The following EXTL3 variants were observed in gnomAD, a reference collection of about 807,000 sequenced individuals.
EXTL3 encodes exostosin like glycosyltransferase 3.
In EXTL3, 27 loss-of-function variants were observed where a neutral mutation model predicts 69.3. That is an observed-to-expected ratio of 0.39 (90% CI 0.29 to 0.54). The LOEUF (loss-of-function observed/expected upper bound fraction) is 0.54, where lower values mean the gene tolerates loss of function less well. Ranked by LOEUF, EXTL3 falls within the 20% of genes least tolerant of loss-of-function variation. EXTL3 has a pLI of 0.69. For missense variants in EXTL3, 1,003 were observed against 1,231.8 expected (o/e 0.81, Z 2.78); for synonymous variants, 511 against 499.4 (o/e 1.02, Z -0.31).
At chr8:28,704,184 C>T (rs1800870437) in intron 1 of EXTL3, among the ~76,000 whole-genome samples, 1 of 152,114 alleles carries the variant, frequency 6.6e-6, no homozygotes, top group Non-Finnish European at 1.5e-5. Flanking sequence ...AACATACTTC[C>T]CTCTCCCACA....
At chr8:28,743,058 C>A (rs1293114331) in intron 5 of EXTL3, 28 bp from the exon 6 acceptor site, 1 of 1,613,638 alleles carries the variant, frequency 6.2e-7, no homozygotes, top group Non-Finnish European at 8.5e-7. Context: ...TGTAACAGAG[C>A]ATGTGGTTCT....
In EXTL3 at chr8:28,613,145, T is replaced by C. The variant is rs74773582; in HGVS notation, n.314+5387T>C. On this transcript the variant is annotated intron_variant and non_coding_transcript_variant, in intron 2 of 4. Coordinates refer to the EXTL3 transcript ENST00000522725. ...TTGTAACGCCTTTATCTAGTTTCAGTATTAGGATTATGCTGTTTTTTTGGT... is the reference window on the plus strand; with the variant it reads ...TTGTAACGCCTTTATCTAGTTTCAGCATTAGGATTATGCTGTTTTTTTGGT... 5.9e-4 allele frequency among the ~76,000 whole-genome samples: 90 copies of C among 152,264 alleles called. 1 individual carries two copies. The highest frequency in any genetic ancestry group is 2.1e-3 in the African/African-American group (86 of 41,580).
intron 6 of EXTL3, among the ~76,000 whole-genome samples, chr8:28,745,575 T>C (rs892880981): frequency 1.1e-4 from 16 of 152,222 alleles, no homozygotes; most frequent in Non-Finnish European, 1.9e-4. Flanking sequence ...CTTCCTTATA[T>C]ATCCTTTCTT....
upstream of EXTL3, among the ~76,000 whole-genome samples, chr8:28,698,688 A>AAAAAC (rs1368052371): frequency 4.6e-5 from 7 of 152,306 alleles, no homozygotes; most frequent in East Asian, 5.8e-4. Flanking sequence ...GTCTCTACAA[A>AAAAAC]AAAACAAAAC....
At chr8:28,702,309 C>G (rs1358383223) in intron 1 of EXTL3, among the ~76,000 whole-genome samples, 1 of 152,244 alleles carries the variant, frequency 6.6e-6, no homozygotes, top group Non-Finnish European at 1.5e-5. Context: ...GCCCAGCTCC[C>G]CTAGAGCCGG....
At chr8:28,628,190 C>T (rs916507916) in intron 1 of EXTL3, among the ~76,000 whole-genome samples, 2 of 152,124 alleles carry the variant, frequency 1.3e-5, no homozygotes, top group East Asian at 1.9e-4. Context: ...GGTGAAACCC[C>T]GTCTCTGCTA....
chr8:28,739,700 A>G (rs1294533552), intron 5 of EXTL3, among the ~76,000 whole-genome samples: 3 of 152,176 alleles, frequency 2.0e-5, no homozygotes, highest in African/African-American at 7.2e-5. Context: ...TAAAAACTTA[A>G]TGTGTGAAGT....
At chr8:28,730,564 G>A (rs776843262) in intron 3 of EXTL3, among the ~76,000 whole-genome samples, 15 of 152,188 alleles carry the variant, frequency 9.9e-5, no homozygotes, top group Non-Finnish European at 2.1e-4. Flanking sequence ...TCTGTTTTAT[G>A]AAGGAAATAC....
chr8:28,644,873 A>G (rs954998271), intron 1 of EXTL3, among the ~76,000 whole-genome samples: 1 of 152,292 alleles, frequency 6.6e-6, no homozygotes, highest in East Asian at 1.9e-4. Context: ...AAGGACTAGT[A>G]CTGGACCTAT....
At chr8:28,650,257 A>G (rs572058410) in intron 1 of EXTL3, among the ~76,000 whole-genome samples, 4 of 151,370 alleles carry the variant, frequency 2.6e-5, no homozygotes, top group Non-Finnish European at 4.4e-5. Flanking sequence ...CCTCTCCCCA[A>G]TTTCACAATT....
In EXTL3 at chr8:28,752,769, C is replaced by T. The variant is rs34338934; in HGVS notation, c.*1903C>T. On this transcript the variant is annotated 3_prime_UTR_variant, in exon 7 of 7. Transcript: ENST00000220562. ...CTCTACCTGACTCCTGACTTGTATT[C>T]CTTTTAGCAGTAGCCTTCTTCCCTC... 37 of 153,200 alleles carry T rather than the reference C, an allele frequency of 2.4e-4. 1 individual carries two copies. The East Asian group carries it at 6.7e-3, about 28-fold the overall frequency. The allele number at this position is 153,200 out of a possible 1,614,324, so 9.5% of individuals were successfully genotyped here.
chr8:28,619,958 C>T (rs1412197837), upstream of EXTL3, among the ~76,000 whole-genome samples: 1 of 145,812 alleles, frequency 6.9e-6, no homozygotes, highest in Non-Finnish European at 1.5e-5. Context: ...GAAAGCTCCA[C>T]CTCCCGGGTT....
chr8:28,717,239 G>T lies in EXTL3; in HGVS notation c.1180G>T (p.Val394Phe), dbSNP rs1385495457. The T allele has an allele frequency of 2.5e-6, 4 of 1,614,230 alleles. No homozygotes were observed. Among genetic ancestry groups the T allele is most frequent in the East Asian group, 2.2e-5 (1 of 44,880 alleles). The change falls in exon 3 of 7, where the codon GTC becomes TTC. Residue 394 changes from valine to phenylalanine, a missense_variant. Transcript: ENST00000220562. This position sits in a 1 kb window ranked among gnomAD's most constrained non-coding sequence, Gnocchi z 8.3. ...KAVQDSKLDQVLVEFTCKNQP... is the reference protein window; with the variant it reads ...KAVQDSKLDQFLVEFTCKNQP... ...GGTGCAGGACAGCAAGCTGGATCAGGTCCTGGTGGAATTCACCTGCAAAAA... is the reference window on the plus strand; with the variant it reads ...GGTGCAGGACAGCAAGCTGGATCAGTTCCTGGTGGAATTCACCTGCAAAAA...
rs149776013 is a variant in EXTL3, at chr8:28,678,357, T to C, written c.-52-35100T>C. Among the ~76,000 whole-genome samples the C allele has an allele frequency of 2.9e-4, 44 of 152,344 alleles. No homozygotes were observed. In the East Asian group the frequency reaches 8.3e-3, roughly 29 times the overall value. On this transcript the variant is annotated intron_variant, in intron 1 of 6. Coordinates refer to the EXTL3 transcript ENST00000523149. ...TCTCATGTTGAAATTCGATTCCCAATGTTGGAGGTGAAGCCTAATGAGAGA... is the reference window on the plus strand; with the variant it reads ...TCTCATGTTGAAATTCGATTCCCAACGTTGGAGGTGAAGCCTAATGAGAGA...
At chr8:28,681,911 G>T (rs1431658066) in intron 1 of EXTL3, among the ~76,000 whole-genome samples, 1 of 152,146 alleles carries the variant, frequency 6.6e-6, no homozygotes, top group Non-Finnish European at 1.5e-5. Context: ...AAATTAGCCA[G>T]GCGTGGTGGC....
In EXTL3 at chr8:28,667,080, A is replaced by G. The variant is rs2130633654; in HGVS notation, c.-53+44270A>G. ...GATCCTCTGGGGCGGCAAGGATGAA[A>G]GACTCTGGTTGTGCTAATGGAGCTC... On this transcript the variant is annotated intron_variant, in intron 1 of 6. Coordinates refer to the EXTL3 transcript ENST00000523149. 1.3e-5 allele frequency among the ~76,000 whole-genome samples: 2 copies of G among 152,336 alleles called. 1 individual carries two copies. Among genetic ancestry groups the G allele is most frequent in the South Asian group, 4.1e-4 (2 of 4,824 alleles).
intron 1 of EXTL3, among the ~76,000 whole-genome samples, chr8:28,662,865 C>G (rs930593405): frequency 1.3e-5 from 2 of 152,038 alleles, no homozygotes; most frequent in Admixed American, 6.6e-5. Context: ...AGCTGAGCTG[C>G]GATTGCACCA....
At chr8:28,738,968 C>A (rs1801716698) in intron 5 of EXTL3, among the ~76,000 whole-genome samples, 1 of 152,210 alleles carries the variant, frequency 6.6e-6, no homozygotes, top group Non-Finnish European at 1.5e-5. Context: ...GACCCTCCCA[C>A]CACTCTCTCT....
rs189971449 is a variant in EXTL3, at chr8:28,693,868, C to G, written c.-52-19589C>G. The stretch of plus-strand genomic sequence containing the variant: ...CATGCATTGTTCTAATTATAAGCCA[C>G]AAAATTGCTCAGTCATTTATATATA... On this transcript the variant is annotated intron_variant, in intron 1 of 6. Transcript: ENST00000523149. 1.6e-3 allele frequency among the ~76,000 whole-genome samples: 240 copies of G among 152,372 alleles called. 3 individuals are homozygous for G. Among genetic ancestry groups the G allele is most frequent in the Non-Finnish European group, 3.1e-3 (213 of 68,040 alleles).
Sources: allele counts gnomAD v4.1 joint callset (sites outside exome capture counted in the v4.1 genomes callset), GRCh38; gene constraint gnomAD v4.1.1; non-coding constraint Gnocchi (gnomAD v3.1); transcripts MANE v1.5; gene names NCBI Gene and HGNC (gene_info 2026-07-23, HGNC 2026-07-21).